Variants in ARHGAP35 observed in about 807,000 individuals in gnomAD.
ARHGAP35 encodes the protein rho GTPase-activating protein 35.
A neutral mutation model predicts 111.1 loss-of-function variants in ARHGAP35; 15 were observed. The ratio of observed to expected loss-of-function variants is 0.13; its 90% CI spans 0.09 to 0.21. The LOEUF is 0.21. ARHGAP35 is among the 10% of genes least tolerant of loss of function. ARHGAP35 has a pLI of 1.00. For missense variants in ARHGAP35, 1,262 were observed against 1,873.0 expected (o/e 0.67, Z 6.02); for synonymous variants, 643 against 710.3 (o/e 0.91, Z 1.51).
chr19:46,988,143 G>C lies in ARHGAP35; in HGVS notation c.3904+77G>C. 2.1e-6 allele frequency: 3 copies of C among 1,418,644 alleles called. No individual in the cohort carries two copies. The highest frequency in any genetic ancestry group is 2.9e-6 in the Non-Finnish European group (3 of 1,023,088). The allele number at this position is 1,418,644 out of a possible 1,614,324, so 87.9% of individuals were successfully genotyped here. A position where few individuals can be genotyped will look rare whatever the true frequency, so the allele number is the denominator to read the frequency against. On this transcript the variant is annotated intron_variant, in intron 4 of 6. Transcript: ENST00000672722. This position sits in a 1 kb window ranked among gnomAD's most constrained non-coding sequence, Gnocchi z 5.4. ...ACAGCTGCCTCGGTGAACTGTCTGT[G>C]GGGCTTCGGAGCACTCCTGCCAGCA...
intron 1 of ARHGAP35, among the ~76,000 whole-genome samples, chr19:46,898,808 T>G (rs2056070134): frequency 6.6e-6 from 1 of 151,924 alleles, no homozygotes; most frequent in Non-Finnish European, 1.5e-5. Context: ...CTGCTGCTGC[T>G]GCTGTTGGAG....
intron 3 of ARHGAP35, among the ~76,000 whole-genome samples, chr19:46,971,505 G>C (rs188281654): frequency 1.3e-5 from 2 of 151,510 alleles, no homozygotes; most frequent in Admixed American, 1.3e-4. Flanking sequence ...TCTTTTTTGG[G>C]GTTTTTTTTT....
At chr19:46,985,723 C>G (rs555781137) in intron 3 of ARHGAP35, among the ~76,000 whole-genome samples, 2 of 152,178 alleles carry the variant, frequency 1.3e-5, no homozygotes, top group Non-Finnish European at 2.9e-5. Context: ...CAGGCGAGTA[C>G]AGCAGTGGCA....
rs558347541 is a variant in ARHGAP35 at position 46,994,155 on chromosome 19, C to T, written c.4036+4480C>T. Among the ~76,000 whole-genome samples the T allele has an allele frequency of 1.1e-4, 17 of 152,248 alleles. No homozygotes were observed. Among genetic ancestry groups the T allele is most frequent in the African/African-American group, 3.1e-4 (13 of 41,546 alleles). Reference sequence around the variant, plus strand: ...CTGGGCACCTGTACCATGGCGGGTCCGGGTTGCAGCAGCTCACCCAGGGCT... The same window carrying T: ...CTGGGCACCTGTACCATGGCGGGTCTGGGTTGCAGCAGCTCACCCAGGGCT... On this transcript the variant is annotated intron_variant, in intron 5 of 6. Coordinates refer to ENST00000672722, the MANE Select transcript of ARHGAP35 (RefSeq NM_004491.5). This position sits in a 1 kb window ranked among gnomAD's most constrained non-coding sequence, Gnocchi z 5.4.
At chr19:46,929,492 AC>A (rs1364777320) in intron 2 of ARHGAP35, among the ~76,000 whole-genome samples, 2 of 150,020 alleles carry the variant, frequency 1.3e-5, no homozygotes, top group Admixed American at 6.7e-5. Flanking sequence ...CATGGGTGTG[AC>A]CCTCTGGGGC....
At chr19:46,934,582 G>A (rs2056293467) in intron 2 of ARHGAP35, among the ~76,000 whole-genome samples, 1 of 152,152 alleles carries the variant, frequency 6.6e-6, no homozygotes, top group Admixed American at 6.5e-5. Flanking sequence ...GGCCAGGCTG[G>A]TCTCGAACTC....
chr19:46,991,682 C>T (rs1003792473), intron 5 of ARHGAP35, among the ~76,000 whole-genome samples: 4 of 152,152 alleles, frequency 2.6e-5, no homozygotes, highest in Non-Finnish European at 4.4e-5. Context: ...GCACCTCTCC[C>T]GGCCATAGCA....
chr19:46,991,250 G>C (rs2056677562), intron 5 of ARHGAP35, among the ~76,000 whole-genome samples: 1 of 152,238 alleles, frequency 6.6e-6, no homozygotes, highest in African/African-American at 2.4e-5. Flanking sequence ...CACAGTGGAA[G>C]TTAGGAAAAG....
chr19:46,941,111 A>G (rs1235351079), intron 3 of ARHGAP35, among the ~76,000 whole-genome samples: 1 of 151,498 alleles, frequency 6.6e-6, no homozygotes, highest in Non-Finnish European at 1.5e-5. Context: ...ATGCTGCTTC[A>G]AGTATTAATT....
rs997492896 is a variant in ARHGAP35, at chr19:46,999,096, G to T, written c.4037-208G>T. ...CACACAGTGCCGCCCTTCAGCGGGG[G>T]CCTGGGACACAGAGGTGGGCCAGAC... On this transcript the variant is annotated intron_variant, in intron 5 of 6. Coordinates refer to ENST00000672722, the MANE Select transcript of ARHGAP35 (RefSeq NM_004491.5). The surrounding 1 kb of genome is among the most constrained non-coding windows in gnomAD (Gnocchi z 5.4). 3.5e-6 allele frequency: 2 copies of T among 566,386 alleles called. No individual in the cohort carries two copies. The highest frequency in any genetic ancestry group is 6.3e-6 in the Non-Finnish European group (2 of 318,412). 35.1% of individuals were successfully genotyped at this position (566,386 alleles called of 1,614,324 possible).
In ARHGAP35 at chr19:46,945,872, A is replaced by T. The variant is rs1444635366; in HGVS notation, c.3826+8464A>T. Among the ~76,000 whole-genome samples, 2 of 152,160 alleles carry T rather than the reference A, an allele frequency of 1.3e-5. No homozygotes were observed. The highest frequency in any genetic ancestry group is 4.8e-5 in the African/African-American group (2 of 41,438). Reference sequence around the variant, plus strand: ...GAGGAGGCATGGCAACAGTGAGGAAATGATTTCCCTGGCCCCAGTCCTTTC... The same window carrying T: ...GAGGAGGCATGGCAACAGTGAGGAATTGATTTCCCTGGCCCCAGTCCTTTC... On this transcript the variant is annotated intron_variant, in intron 3 of 6. Transcript: ENST00000672722. This position sits in a 1 kb window ranked among gnomAD's most constrained non-coding sequence, Gnocchi z 4.1.
chr19:46,890,996 AGTC>A (rs2056020928), intron 1 of ARHGAP35, among the ~76,000 whole-genome samples: 2 of 152,184 alleles, frequency 1.3e-5, no homozygotes, highest in African/African-American at 2.4e-5. Context: ...GTCTCCCAGT[AGTC>A]AGTATGGTAA....
intron 3 of ARHGAP35, among the ~76,000 whole-genome samples, chr19:46,959,971 A>G (rs1408566776): frequency 2.0e-5 from 3 of 148,932 alleles, no homozygotes; most frequent in Non-Finnish European, 3.0e-5. Context: ...TTAGCCATGC[A>G]TTGTGGCACA....
chr19:46,930,207 A>G (rs2122214915), intron 2 of ARHGAP35, among the ~76,000 whole-genome samples: 1 of 152,104 alleles, frequency 6.6e-6, no homozygotes, highest in South Asian at 2.1e-4. Context: ...TCTCTACAAA[A>G]TATTATCTGG....
intron 3 of ARHGAP35, among the ~76,000 whole-genome samples, chr19:46,976,387 C>G (rs1368936319): frequency 3.3e-5 from 5 of 152,148 alleles, no homozygotes; most frequent in African/African-American, 2.4e-5. Context: ...GCTTGTGACT[C>G]GGCATTGCTA....
At chr19:46,892,601 T>C (rs566242708) in intron 1 of ARHGAP35, among the ~76,000 whole-genome samples, 1 of 151,752 alleles carries the variant, frequency 6.6e-6, no homozygotes, top group African/African-American at 2.4e-5. Context: ...GTACGAAGTA[T>C]GTAATGAAGA....
At chr19:46,897,746 G>C (rs2122162456) in intron 1 of ARHGAP35, among the ~76,000 whole-genome samples, 1 of 151,294 alleles carries the variant, frequency 6.6e-6, no homozygotes, top group Non-Finnish European at 1.5e-5. Context: ...GCCTTTACAG[G>C]GTCAAGGGGA....
intron 2 of ARHGAP35, among the ~76,000 whole-genome samples, chr19:46,932,673 TTCC>T (rs2056279711): frequency 6.6e-6 from 1 of 152,190 alleles, no homozygotes; most frequent in South Asian, 2.1e-4. Flanking sequence ...TTTGCAAGAG[TTCC>T]AATTTTGTGA....
chr19:46,944,354 A>G (rs1445673577), intron 3 of ARHGAP35, among the ~76,000 whole-genome samples: 1 of 152,018 alleles, frequency 6.6e-6, no homozygotes, highest in Non-Finnish European at 1.5e-5. Flanking sequence ...ATTAATCATT[A>G]TAGATATGTA....
Sources: allele counts gnomAD v4.1 joint callset (sites outside exome capture counted in the v4.1 genomes callset), GRCh38; gene constraint gnomAD v4.1.1; non-coding constraint Gnocchi (gnomAD v3.1); transcripts MANE v1.5; gene names NCBI Gene and HGNC (gene_info 2026-07-23, HGNC 2026-07-21).